PER1: variants seen among roughly 807,000 people sequenced by gnomAD.
The protein encoded by PER1 is period circadian protein homolog 1.
PER1 carries 87 observed loss-of-function variants against 125.9 expected under a neutral mutation model. That is an observed-to-expected ratio of 0.69 (90% confidence interval 0.58 to 0.83). The LOEUF is 0.83. PER1 is among the 40% of genes least tolerant of loss of function. The pLI is 0.00. For synonymous variants in PER1, 801 were observed against 714.7 expected, an observed-to-expected ratio of 1.12 and a Z score of -1.93; for missense variants, 1,775 against 1,722.8, an observed-to-expected ratio of 1.03 and a Z score of -0.54.
chr17:8,149,182 C>A (rs1021118117), intron 7 of PER1, 77 bp downstream of exon 7: 2 of 1,321,948 alleles, frequency 1.5e-6, no homozygotes, highest in African/African-American at 1.5e-5. Flanking sequence ...GAGTGAGACT[C>A]CCTTTCAAAA....
In PER1 at chr17:8,143,746, G is replaced by A. The variant is rs765779998; in HGVS notation, c.2592C>T (p.Pro864=). The stretch of plus-strand genomic sequence containing the variant: ...CTGGTGGGGTGGGCCAGGGGGTGGA[G>A]GGTGGCACGGGTGAGGGGTGTGAGA... The part of the protein sequence containing the change: ...CYVSHPSPVP[P]STPWPTPPAT... The change falls in exon 19 of 23, where the codon CCC becomes CCT. Residue 864 remains proline (P), a synonymous_variant. Transcript: ENST00000317276. 6.4e-7 allele frequency: 1 copy of A among 1,567,056 alleles called. No individual in the cohort carries two copies. The highest frequency in any genetic ancestry group is 1.8e-5 in the Admixed American group (1 of 56,728).
chr17:8,142,438 T>G lies in PER1; in HGVS notation c.3280A>C (p.Thr1094Pro). The change falls in exon 21 of 23, where the codon ACA (threonine) becomes CCA (proline). Residue 1094 changes from threonine to proline, a missense_variant. Physicochemically the swap from Thr to Pro is conservative, Grantham distance 38. Transcript: ENST00000317276. ...TCGATGCTGCCAAAGTATTTGCTTGTGTGGCTGCTCTGGCTGCTGCCTGTG... is the reference window on the plus strand; with the variant it reads ...TCGATGCTGCCAAAGTATTTGCTTGGGTGGCTGCTCTGGCTGCTGCCTGTG... ...SITRSSQSSH[T>P]SKYFGSIDSS... 1 of 1,588,414 alleles carries G rather than the reference T, an allele frequency of 6.3e-7. No homozygotes were observed. Among genetic ancestry groups the G allele is most frequent in the Non-Finnish European group, 8.6e-7 (1 of 1,166,332 alleles).
intron 3 of PER1, 39 bp from the exon 4 acceptor site, chr17:8,150,164 G>A (rs370926217): frequency 5.7e-5 from 92 of 1,607,078 alleles, no homozygotes; most frequent in Non-Finnish European, 7.1e-5. Context: ...AAAGACATTA[G>A]TCCCAGAGTG....
At chr17:8,148,359 C>G in intron 8 of PER1, 100 bp from the exon 9 acceptor site, 1 of 1,023,072 alleles carries the variant, frequency 9.8e-7, no homozygotes, top group South Asian at 1.4e-5. Flanking sequence ...ATCTGCCACA[C>G]AGCTCTGCCC....
In PER1 at chr17:8,149,401, C is replaced by T. The variant is rs900935287; in HGVS notation, c.853+61G>A. 3.1e-6 allele frequency: 5 copies of T among 1,605,568 alleles called. No homozygotes were observed. In the Admixed American group the frequency reaches 5.0e-5, roughly 16 times the overall value. On this transcript the variant is annotated intron_variant, in intron 6 of 22. Transcript: ENST00000317276. ...TAAGGGAAAGTCTGGGTTCCCCGGCCCCTCACAGCAGGAATTTCCTGGGAC... is the reference window on the plus strand; with the variant it reads ...TAAGGGAAAGTCTGGGTTCCCCGGCTCCTCACAGCAGGAATTTCCTGGGAC...
Position 8,143,712 on chromosome 17 carries a change from G to A in PER1, c.2626C>T (p.Pro876Ser). ...TAGGGCTGGACAACCGCTGGGAAGG[G>A]GGTAGTGGCTGGTGGGGTGGGCCAG... The part of the protein sequence containing the change: ...TPWPTPPATT[P>S]FPAVVQPYPL... Residue 876 changes from proline (P) to serine (S), a missense_variant, in exon 19 of 23, where the codon CCC becomes TCC. By Grantham distance (74) the Pro-to-Ser change is moderately conservative (BLOSUM62 -1). Transcript: ENST00000317276. 2 of 1,529,010 alleles carry A rather than the reference G, an allele frequency of 1.3e-6. No homozygotes were observed. The highest frequency in any genetic ancestry group is 2.5e-5 in the South Asian group (2 of 80,030). The allele number at this position is 1,529,010 out of a possible 1,614,324, so 94.7% of individuals were successfully genotyped here.
At chr17:8,144,477 C>A (rs1260077398) in intron 18 of PER1, 1 of 494,518 alleles carries the variant, frequency 2.0e-6, no homozygotes, top group East Asian at 3.4e-5. Context: ...TGCCCCTGCC[C>A]CCAGGCTAGG....
intron 18 of PER1, chr17:8,144,260 G>A (rs964897920): frequency 1.3e-5 from 5 of 390,914 alleles, no homozygotes; most frequent in South Asian, 7.9e-5. Flanking sequence ...CATCGAGGCC[G>A]TATTCTGCCT....
chr17:8,142,180 T>C, intron 21 of PER1, 89 bp downstream of exon 21: 3 of 1,178,162 alleles, frequency 2.5e-6, no homozygotes, highest in Non-Finnish European at 3.6e-6. Flanking sequence ...ACGTTTATCC[T>C]ATCCAGGGCA....
At chr17:8,141,774 C>T (rs1568022731) in intron 22 of PER1, 31 bp downstream of exon 22, 1 of 1,471,844 alleles carries the variant, frequency 6.8e-7, no homozygotes, top group African/African-American at 1.5e-5. Flanking sequence ...GAGCTCAATT[C>T]TTTTTTCTCC....
rs759065670 is a variant in PER1 at position 8,148,707 on chromosome 17, C to G, written c.985G>C (p.Asp329His). 1.2e-6 allele frequency: 2 copies of G among 1,613,762 alleles called. No individual in the cohort carries two copies. The highest frequency in any genetic ancestry group is 2.7e-5 in the African/African-American group (2 of 74,922). Residue 329 changes from aspartate to histidine, a missense_variant, in exon 8 of 23, where the codon GAT becomes CAT. Physicochemically the swap from Asp to His is moderately conservative, Grantham distance 81 (BLOSUM62 -1). Transcript: ENST00000317276. Reference protein sequence around the residue: ...TPYVTKIRVSDGAPAQPCCLL... With the variant: ...TPYVTKIRVSHGAPAQPCCLL... The stretch of plus-strand genomic sequence containing the variant: ...CAGCACGGCTGTGCAGGGGCCCCAT[C>G]TGAGACCCGGATCTTGGTCACATAC...
In PER1 at chr17:8,143,835, A is replaced by G. The variant is rs1982254135; in HGVS notation, c.2503T>C (p.Cys835Arg). ...GPAPPSRRHH[C>R]RSKAKRSRHH... is the part of the protein sequence containing the mutation. ...CGTGAGCGCTTGGCTTTGGATCGGC[A>G]GTGGTGTCGGCGGCTTGGGGGTGCG... is the stretch of plus-strand genomic sequence containing the variant. Residue 835 changes from cysteine to arginine, a missense_variant, in exon 19 of 23, where the codon TGC (cysteine) becomes CGC (arginine). Cys to Arg is a radical substitution (Grantham distance 180). Transcript: ENST00000317276. The G allele has an allele frequency of 4.3e-6, 7 of 1,612,030 alleles. No homozygotes were observed. The highest frequency in any genetic ancestry group is 5.9e-6 in the Non-Finnish European group (7 of 1,179,120).
Position 8,148,833 on chromosome 17 carries a change from C to A in PER1, c.906-47G>T, listed in dbSNP as rs778813339. On this transcript the variant is annotated intron_variant, in intron 7 of 22. Coordinates refer to ENST00000317276, the MANE Select transcript of PER1 (RefSeq NM_002616.3). ...TTAGGGACTTTCAACAGAGAGCCACCCACTCCTCCAACAATAAGGTCACAG... is the reference window on the plus strand; with the variant it reads ...TTAGGGACTTTCAACAGAGAGCCACACACTCCTCCAACAATAAGGTCACAG... 2.5e-6 allele frequency: 4 copies of A among 1,602,722 alleles called. No individual in the cohort carries two copies. In the African/African-American group the frequency reaches 5.4e-5, roughly 22 times the overall value.
chr17:8,142,051 C>A, intron 21 of PER1, 96 bp from the exon 22 acceptor site: 2 of 1,491,358 alleles, frequency 1.3e-6, no homozygotes, highest in Non-Finnish European at 1.8e-6. Flanking sequence ...AGCTTCCCAC[C>A]TCATGCTCCT....
intron 18 of PER1, 183 bp from the exon 19 acceptor site, chr17:8,144,059 G>GGGACAA (rs1359034474): frequency 1.1e-6 from 1 of 883,356 alleles, no homozygotes. Context: ...ACAGGAGCCA[G>GGGACAA]GGACAAGGGG....
Position 8,147,340 on chromosome 17 carries a change from G to C in PER1, c.1539C>G (p.Gly513=), listed in dbSNP as rs754862482. ...SPSPTGLCGV[G]AVTSPGPLHS... ...GGAGAGGGCCTGGGGATGTCACGGC[G>C]CCGACTCCACAGAGTCCCGTGGGGC... The change falls in exon 13 of 23, where the codon GGC becomes GGG. Residue 513 remains glycine (G), a synonymous_variant. Coordinates refer to ENST00000317276, the MANE Select transcript of PER1 (RefSeq NM_002616.3). 1 of 1,613,608 alleles carries C rather than the reference G, an allele frequency of 6.2e-7. No individual in the cohort carries two copies. Among genetic ancestry groups the C allele is most frequent in the South Asian group, 1.1e-5 (1 of 91,066 alleles).
In PER1 at chr17:8,142,251, G is replaced by C. The variant is rs530659025; in HGVS notation, c.3449+18C>G. 2 of 1,561,636 alleles carry C rather than the reference G, an allele frequency of 1.3e-6. No individual in the cohort carries two copies. Among genetic ancestry groups the C allele is most frequent in the East Asian group, 2.3e-5 (1 of 44,410 alleles). On this transcript the variant is annotated intron_variant, in intron 21 of 22. Coordinates refer to ENST00000317276, the MANE Select transcript of PER1 (RefSeq NM_002616.3). ...TACCTCTGAAAGGAAGGCCAAGAAG[G>C]CCTCTGAAATGCCTCACCTGGAGGG... is the stretch of plus-strand genomic sequence containing the variant.
In PER1 at chr17:8,147,753, T is replaced by A; in HGVS notation, c.1309A>T (p.Met437Leu). Residue 437 changes from methionine (M) to leucine (L), a missense_variant, in exon 11 of 23, where the codon ATG (methionine) becomes TTG (leucine). Physicochemically the swap from Met to Leu is conservative, Grantham distance 15. Transcript: ENST00000317276. ...ACAAAGCCAGCCCAGCTGGTGTCCA[T>A]GGTGACATACTCCCCGTTGCGGGCA... ...FCARNGEYVT[M>L]DTSWAGFVHP... 6.2e-7 allele frequency: 1 copy of A among 1,613,986 alleles called. No homozygotes were observed. The highest frequency in any genetic ancestry group is 8.5e-7 in the Non-Finnish European group (1 of 1,180,002).
rs201133119 is a variant in PER1 at position 8,143,460 on chromosome 17, C to A, written c.2878G>T (p.Ala960Ser). The change falls in exon 19 of 23, where the codon GCC becomes TCC. Residue 960 changes from alanine (A) to serine (S), a missense_variant. Ala to Ser is a moderately conservative substitution (Grantham distance 99). Coordinates refer to ENST00000317276, the MANE Select transcript of PER1 (RefSeq NM_002616.3). ...CGGTGAGGAGGACTCGGGGCGAGGGCGGGCAAGGATGGAGAAGGGGAGTGC... is the reference window on the plus strand; with the variant it reads ...CGGTGAGGAGGACTCGGGGCGAGGGAGGGCAAGGATGGAGAAGGGGAGTGC... ...ASHSPSPSLP[A>S]LAPSPPHRPD... 4 of 1,600,690 alleles carry A rather than the reference C, an allele frequency of 2.5e-6. No homozygotes were observed. The highest frequency in any genetic ancestry group is 2.3e-5 in the East Asian group (1 of 44,422).
Sources: allele counts gnomAD v4.1 joint callset, GRCh38; gene constraint gnomAD v4.1.1; transcripts MANE v1.5; gene names NCBI Gene and HGNC (gene_info 2026-07-23, HGNC 2026-07-21).